Variants in HSF2 observed in about 807,000 individuals in gnomAD.
The protein encoded by HSF2 is heat shock transcription factor 2.
Under a neutral mutation model 65.0 loss-of-function variants are expected in HSF2, and 21 were observed. The observed-to-expected ratio is 0.32, with a 90% confidence interval of 0.23 to 0.47. HSF2 has a LOEUF of 0.47. Among genes scored for constraint, HSF2 ranks in the 20% least tolerant of loss-of-function variants. The probability of loss-of-function intolerance (pLI) is 1.00; values close to 1 mark genes in which losing one functional copy is unlikely to be tolerated. For missense variants in HSF2, 499 were observed against 628.1 expected, an observed-to-expected ratio of 0.79 and a Z score of 2.20; for synonymous variants, 225 against 219.1, an observed-to-expected ratio of 1.03 and a Z score of -0.24.
At chr6:122,421,111 C>CT (rs905080554) in intron 7 of HSF2, among the ~76,000 whole-genome samples, 12 of 151,678 alleles carry the variant, frequency 7.9e-5, no homozygotes, top group Admixed American at 2.0e-4. Context: ...CTATTTTCAA[C>CT]TTTTTTTTAT....
At chr6:122,402,856 C>G (rs937116469) in intron 1 of HSF2, among the ~76,000 whole-genome samples, 3 of 152,002 alleles carry the variant, frequency 2.0e-5, no homozygotes, top group Admixed American at 6.6e-5. Flanking sequence ...CCCAGGTACT[C>G]TCATCTTTTG....
At chr6:122,423,005 C>T (rs747565874) in intron 9 of HSF2, 48 bp downstream of exon 9, 3 of 1,595,160 alleles carry the variant, frequency 1.9e-6, no homozygotes, top group African/African-American at 2.7e-5. Flanking sequence ...TTTCTTTGTT[C>T]ACTTCACATG....
At position 122,432,472 on chromosome 6, in the gene HSF2, T is replaced by A. The variant is rs1774497204; in HGVS notation, c.*252T>A. On this transcript the variant is annotated 3_prime_UTR_variant, in exon 13 of 13. Transcript: ENST00000368455. ...TTTAAGTTGGATTCAAATGGCCATT[T>A]TTCTCCAATTTTGGTAAATTGGATA... 5.4e-6 allele frequency: 2 copies of A among 372,688 alleles called. No individual in the cohort carries two copies. The highest frequency in any genetic ancestry group is 9.7e-6 in the Non-Finnish European group (2 of 205,674). 23.1% of individuals were successfully genotyped at this position (372,688 alleles called of 1,614,324 possible).
chr6:122,419,893 A>G (rs1199000186), intron 6 of HSF2, among the ~76,000 whole-genome samples: 1 of 152,200 alleles, frequency 6.6e-6, no homozygotes, highest in East Asian at 1.9e-4. Flanking sequence ...GTATAACTGG[A>G]GAGAATAGCT....
intron 11 of HSF2, among the ~76,000 whole-genome samples, chr6:122,430,863 A>AT (rs975334890): frequency 1.6e-4 from 25 of 152,158 alleles, no homozygotes; most frequent in Non-Finnish European, 1.8e-4. Flanking sequence ...AGCAATTTAA[A>AT]TGACAGAAAA....
intron 10 of HSF2, among the ~76,000 whole-genome samples, chr6:122,425,226 G>A (rs1301702111): frequency 6.6e-6 from 1 of 152,024 alleles, no homozygotes. Flanking sequence ...ACGAGTGGCT[G>A]TATTTACCTC....
rs537786358 is a variant in HSF2, at chr6:122,418,456, A to G, written c.532-712A>G. 3.9e-5 allele frequency among the ~76,000 whole-genome samples: 6 copies of G among 152,332 alleles called. No individual in the cohort carries two copies. In the East Asian group the frequency reaches 7.7e-4, roughly 20 times the overall value. On this transcript the variant is annotated intron_variant, in intron 5 of 12. Coordinates refer to ENST00000368455, the MANE Select transcript of HSF2 (RefSeq NM_004506.4). The stretch of plus-strand genomic sequence containing the variant: ...GGTATTATGGGCCACACTTTAAGAA[A>G]CACTACTATAAGATATGAAAGCTTG...
rs554368766 is a variant in HSF2 at position 122,430,664 on chromosome 6, G to A, written c.1231-766G>A. Among the ~76,000 whole-genome samples the A allele has an allele frequency of 5.9e-5, 9 of 152,106 alleles. No individual in the cohort carries two copies. In the East Asian group the frequency reaches 1.7e-3, roughly 29 times the overall value. ...AATTACTGGAATTAGTTTACAGTTG[G>A]TTACACCATATATATTTAGCCAGCA... On this transcript the variant is annotated intron_variant, in intron 11 of 12. Coordinates refer to ENST00000368455, the MANE Select transcript of HSF2 (RefSeq NM_004506.4).
chr6:122,420,047 A>G (rs575253395), intron 6 of HSF2, 88 bp from the exon 7 acceptor site: 1 of 1,277,614 alleles, frequency 7.8e-7, no homozygotes, highest in Non-Finnish European at 1.1e-6. Flanking sequence ...GTGAGTGTGC[A>G]TGTGTGTGTG....
At chr6:122,428,924 G>A (rs544278705) in intron 11 of HSF2, among the ~76,000 whole-genome samples, 1 of 152,140 alleles carries the variant, frequency 6.6e-6, no homozygotes, top group Non-Finnish European at 1.5e-5. Flanking sequence ...TTATATTGGA[G>A]GTTGGCATAC....
chr6:122,408,874 T>C (rs1170387462), intron 1 of HSF2, among the ~76,000 whole-genome samples: 3 of 147,590 alleles, frequency 2.0e-5, no homozygotes, highest in African/African-American at 2.5e-5. Context: ...TGACATCAAA[T>C]GTTGTCGGGT....
At chr6:122,404,596 A>G (rs1773821023) in intron 1 of HSF2, among the ~76,000 whole-genome samples, 1 of 148,194 alleles carries the variant, frequency 6.7e-6, no homozygotes, top group Non-Finnish European at 1.5e-5. Flanking sequence ...AAGAGTGCCA[A>G]AATTAATTTG....
At chr6:122,430,391 AT>A (rs1254131978) in intron 11 of HSF2, among the ~76,000 whole-genome samples, 1 of 151,746 alleles carries the variant, frequency 6.6e-6, no homozygotes, top group Non-Finnish European at 1.5e-5. Flanking sequence ...TTTGAAATCC[AT>A]TTGTTATCAG....
chr6:122,412,304 A>G (rs1774016058), intron 1 of HSF2, 69 bp from the exon 2 acceptor site: 4 of 900,420 alleles, frequency 4.4e-6, no homozygotes, highest in Non-Finnish European at 3.7e-6. Context: ...TGTGGGATGT[A>G]TAAATATATC....
intron 7 of HSF2, among the ~76,000 whole-genome samples, chr6:122,421,483 T>G (rs1004945402): frequency 1.3e-5 from 2 of 152,034 alleles, no homozygotes; most frequent in African/African-American, 4.8e-5. Flanking sequence ...GTTTATATAT[T>G]TTAAAGTACT....
At position 122,399,673 on chromosome 6, in the gene HSF2, TAG is replaced by T. The variant is rs1773666706; in HGVS notation, c.-64_-63del. The T allele has an allele frequency of 2.9e-6, 4 of 1,393,558 alleles. No homozygotes were observed. The highest frequency in any genetic ancestry group is 4.0e-6 in the Non-Finnish European group (4 of 992,176). 86.3% of individuals were successfully genotyped at this position (1,393,558 alleles called of 1,614,324 possible). On this transcript the variant is annotated 5_prime_UTR_variant, in exon 1 of 13. Coordinates refer to ENST00000368455, the MANE Select transcript of HSF2 (RefSeq NM_004506.4). ...GGGCGTTCTCGGGGAGCTGCTGCCG[TAG>T]CTGCCGCCGCCGCTACCACCGCGTT...
chr6:122,409,175 T>G (rs1376043268), intron 1 of HSF2, among the ~76,000 whole-genome samples: 1 of 151,900 alleles, frequency 6.6e-6, no homozygotes, highest in East Asian at 1.9e-4. Context: ...ACCTCTTATT[T>G]GATAGGTGGA....
intron 9 of HSF2, 115 bp downstream of exon 9, chr6:122,423,072 TTC>T (rs1774272204): frequency 1.7e-6 from 2 of 1,150,530 alleles, no homozygotes; most frequent in African/African-American, 1.5e-5. Context: ...TAGTCCACCT[TTC>T]TCTGTTTTGG....
intron 10 of HSF2, among the ~76,000 whole-genome samples, chr6:122,425,066 C>T (rs1156290918): frequency 6.6e-6 from 1 of 151,898 alleles, no homozygotes; most frequent in Non-Finnish European, 1.5e-5. Flanking sequence ...CTATCCTTTG[C>T]CTCTGTATTT....
Sources: allele counts gnomAD v4.1 joint callset (sites outside exome capture counted in the v4.1 genomes callset), GRCh38; gene constraint gnomAD v4.1.1; transcripts MANE v1.5; gene names NCBI Gene and HGNC (gene_info 2026-07-23, HGNC 2026-07-21).